The following ARHGAP24 variants were observed in gnomAD, a reference collection of about 807,000 sequenced individuals.
The protein encoded by ARHGAP24 is Rho GTPase activating protein 24, also known as rho GTPase-activating protein 24.
In ARHGAP24, 50 loss-of-function variants were observed where a neutral mutation model predicts 76.4. That is an observed-to-expected ratio of 0.65 (90% CI 0.52 to 0.83). The LOEUF is 0.83. Ranked by LOEUF, ARHGAP24 falls within the 40% of genes least tolerant of loss-of-function variation. ARHGAP24 has a pLI of 0.00. For missense variants in ARHGAP24, 930 were observed against 914.2 expected (o/e 1.02, Z -0.22); for synonymous variants, 345 against 323.3 (o/e 1.07, Z -0.72).
At chr4:85,833,722 A>C (rs1465988298) in intron 3 of ARHGAP24, among the ~76,000 whole-genome samples, 1 of 152,222 alleles carries the variant, frequency 6.6e-6, no homozygotes, top group African/African-American at 2.4e-5. Context: ...ATTTAGTGTT[A>C]GTAGAAACTT....
At chr4:85,951,982 G>A (rs548577623) in intron 5 of ARHGAP24, among the ~76,000 whole-genome samples, 1 of 149,880 alleles carries the variant, frequency 6.7e-6, no homozygotes, top group African/African-American at 2.5e-5. Flanking sequence ...ATACCATAAA[G>A]TTATTAAGTT....
rs11930544 is a variant in ARHGAP24 at position 85,806,336 on chromosome 4, A to G, written c.268+84364A>G. 9.9e-3 allele frequency among the ~76,000 whole-genome samples: 1,510 copies of G among 152,340 alleles called. 29 individuals are homozygous for G. The highest frequency in any genetic ancestry group is 0.034 in the African/African-American group (1,411 of 41,568). ...TCACAAGCTTCTTAGCAAGGAAGCA[A>G]TGCTTGCTACCATTTAAGTTCACAG... On this transcript the variant is annotated intron_variant, in intron 3 of 9. Transcript: ENST00000395184.
intron 5 of ARHGAP24, among the ~76,000 whole-genome samples, chr4:85,967,968 A>T (rs1423976071): frequency 6.6e-6 from 1 of 152,152 alleles, no homozygotes; most frequent in Non-Finnish European, 1.5e-5. Context: ...GAAGCGAGGT[A>T]CAGAGACAGC....
chr4:85,848,039 C>T (rs1162422136), intron 3 of ARHGAP24, among the ~76,000 whole-genome samples: 1 of 152,104 alleles, frequency 6.6e-6, no homozygotes, highest in Non-Finnish European at 1.5e-5. Context: ...TTTTCTATAA[C>T]TTTTCTCCCC....
At chr4:85,773,767 G>T (rs1163894059) in intron 3 of ARHGAP24, among the ~76,000 whole-genome samples, 5 of 151,900 alleles carry the variant, frequency 3.3e-5, no homozygotes, top group Admixed American at 3.3e-4. Context: ...TATTTTCCTG[G>T]GGAAATTTCT....
intron 4 of ARHGAP24, among the ~76,000 whole-genome samples, chr4:85,924,277 GT>G (rs1454240175): frequency 6.6e-6 from 1 of 152,054 alleles, no homozygotes; most frequent in African/African-American, 2.4e-5. Flanking sequence ...TTTTTAAAAG[GT>G]TTTAGTTAAC....
intron 9 of ARHGAP24, chr4:86,000,140 T>C (rs2575679): frequency 0.019 from 3,937 of 212,450 alleles, 54 homozygotes; most frequent in South Asian, 0.028. Context: ...TAGTGAACTT[T>C]ACAATTTAAT....
At chr4:85,778,702 T>C (rs1461200714) in intron 3 of ARHGAP24, 1 of 985,352 alleles carries the variant, frequency 1.0e-6, no homozygotes, top group South Asian at 4.7e-5. Flanking sequence ...TTCTTCAATA[T>C]ATGGGATGGG....
chr4:85,765,978 C>A (rs376547147), intron 3 of ARHGAP24, among the ~76,000 whole-genome samples: 120 of 152,206 alleles, frequency 7.9e-4, no homozygotes, highest in Middle Eastern at 6.8e-3. Context: ...ATTTTATTTT[C>A]ACCCTTATGA....
At chr4:85,685,632 CAAA>C (rs57825725) in intron 2 of ARHGAP24, among the ~76,000 whole-genome samples, 130 of 124,420 alleles carry the variant, frequency 1.0e-3, no homozygotes, top group Middle Eastern at 8.7e-3. Flanking sequence ...GACTCTGTCT[CAAA>C]AAAAAAAAAA....
At chr4:85,562,430 G>T (rs1046262891) in intron 1 of ARHGAP24, among the ~76,000 whole-genome samples, 1 of 152,182 alleles carries the variant, frequency 6.6e-6, no homozygotes, top group Non-Finnish European at 1.5e-5. Context: ...TTGTGTGTGT[G>T]TGTGTACGTG....
At chr4:85,691,320 C>T (rs1723648137) in intron 2 of ARHGAP24, among the ~76,000 whole-genome samples, 1 of 151,982 alleles carries the variant, frequency 6.6e-6, no homozygotes, top group Non-Finnish European at 1.5e-5. Flanking sequence ...AATGTATATC[C>T]TATGGTTATT....
chr4:85,570,685 C>A lies in ARHGAP24; in HGVS notation c.144C>A (p.Leu48=). The change falls in exon 2 of 10, where the codon CTC becomes CTA. Residue 48 remains leucine (L), a synonymous_variant. Coordinates refer to ENST00000395184, the MANE Select transcript of ARHGAP24 (RefSeq NM_001025616.3). The stretch of plus-strand genomic sequence containing the variant: ...GGTTTGTGCTCAAGGGGGATCAGCT[C>A]TATTATTTCAAAGATGAAGATGAAA... ...TRWFVLKGDQ[L]YYFKDEDETK... 1 of 1,613,964 alleles carries A rather than the reference C, an allele frequency of 6.2e-7. No homozygotes were observed. The highest frequency in any genetic ancestry group is 8.5e-7 in the Non-Finnish European group (1 of 1,180,006).
chr4:85,641,248 C>A (rs1023029999), intron 2 of ARHGAP24, among the ~76,000 whole-genome samples: 1 of 152,136 alleles, frequency 6.6e-6, no homozygotes, highest in Non-Finnish European at 1.5e-5. Context: ...GTGTGCAACA[C>A]CATTCTTGGC....
At chr4:85,838,850 C>T (rs1235989644) in intron 3 of ARHGAP24, among the ~76,000 whole-genome samples, 1 of 152,134 alleles carries the variant, frequency 6.6e-6, no homozygotes, top group East Asian at 1.9e-4. Flanking sequence ...TCTTCATTCG[C>T]ATGGAGGGCC....
chr4:85,707,516 T>C (rs1358280281), intron 2 of ARHGAP24, among the ~76,000 whole-genome samples: 1 of 152,214 alleles, frequency 6.6e-6, no homozygotes, highest in Non-Finnish European at 1.5e-5. Context: ...AAAATACAAG[T>C]TGATTTTAAA....
intron 2 of ARHGAP24, among the ~76,000 whole-genome samples, chr4:85,652,722 G>C (rs1186080372): frequency 6.6e-6 from 1 of 152,144 alleles, no homozygotes; most frequent in Non-Finnish European, 1.5e-5. Context: ...ATTTTTGAGG[G>C]ATGCAGAAAC....
intron 2 of ARHGAP24, among the ~76,000 whole-genome samples, chr4:85,687,428 C>T (rs1723465303): frequency 6.6e-6 from 1 of 152,140 alleles, no homozygotes; most frequent in Non-Finnish European, 1.5e-5. Flanking sequence ...CCCCTACTCT[C>T]TCCCCGCTTT....
intron 1 of ARHGAP24, among the ~76,000 whole-genome samples, chr4:85,549,713 A>G (rs1191679131): frequency 6.6e-6 from 1 of 152,162 alleles, no homozygotes; most frequent in Non-Finnish European, 1.5e-5. Flanking sequence ...ACCCCAGGTA[A>G]TAAGCACAGT....
Sources: gnomAD v4.1 joint callset for allele counts (sites outside exome capture counted in the v4.1 genomes callset) on GRCh38, gnomAD v4.1.1 for gene constraint, MANE v1.5 for transcripts, NCBI Gene and HGNC (gene_info 2026-07-23, HGNC 2026-07-21) for gene names.